The following NUP88 variants were observed in gnomAD, a reference collection of about 807,000 sequenced individuals.
The protein encoded by NUP88 is nuclear pore complex protein Nup88.
A neutral mutation model predicts 93.9 loss-of-function variants in NUP88; 57 were observed. The observed-to-expected ratio is 0.61, with a 90% CI of 0.49 to 0.76. NUP88 has a LOEUF of 0.76. Among genes scored for constraint, NUP88 ranks in the 30% least tolerant of loss-of-function variants. NUP88 has a pLI of 0.00. For synonymous variants in NUP88, 346 were observed against 336.8 expected, an observed-to-expected ratio of 1.03 and a Z score of -0.30; for missense variants, 911 against 901.0, an observed-to-expected ratio of 1.01 and a Z score of -0.14.
intron 7 of NUP88, among the ~76,000 whole-genome samples, chr17:5,400,493 C>CAAAAA (rs1187634728): frequency 2.2e-5 from 1 of 44,722 alleles, no homozygotes. Flanking sequence ...AACTCCGTCT[C>CAAAAA]AAAAAAAAAA....
At chr17:5,402,327 A>G (rs990027883) in intron 7 of NUP88, among the ~76,000 whole-genome samples, 1 of 152,140 alleles carries the variant, frequency 6.6e-6, no homozygotes, top group African/African-American at 2.4e-5. Context: ...AACAAAAAAC[A>G]AAATACAAAA....
intron 10 of NUP88, among the ~76,000 whole-genome samples, chr17:5,389,917 G>A (rs1051692361): frequency 2.0e-5 from 3 of 151,940 alleles, no homozygotes; most frequent in Non-Finnish European, 4.4e-5. Flanking sequence ...TGTAATCCCA[G>A]CACTTTGGGA....
intron 9 of NUP88, among the ~76,000 whole-genome samples, chr17:5,393,695 C>T (rs1912592868): frequency 6.6e-6 from 1 of 152,148 alleles, no homozygotes; most frequent in Non-Finnish European, 1.5e-5. Context: ...CTCGATCTCC[C>T]AAAATGCTGG....
rs150552259 is a variant in NUP88, at chr17:5,401,121, C to T, written c.1193-1471G>A. Among the ~76,000 whole-genome samples, 302 of 152,078 alleles carry T rather than the reference C, an allele frequency of 2.0e-3. 2 individuals carry two copies. Among genetic ancestry groups the T allele is most frequent in the African/African-American group, 6.9e-3 (288 of 41,498 alleles). ...CTTATTGGCCGGGTGTGGTGGCTCA[C>T]GCCTGTAATCCCAGCCCTTTGGGAG... On this transcript the variant is annotated intron_variant, in intron 7 of 16. Coordinates refer to ENST00000573584, the MANE Select transcript of NUP88 (RefSeq NM_002532.6).
At position 5,384,869 on chromosome 17, in the gene NUP88, A is replaced by G. The variant is rs189725850; in HGVS notation, c.*1337T>C. Reference sequence around the variant, plus strand: ...GGGATTTTATTAATTATAAAATGCAATCAATTTAAATTACGTAGGTTTAAG... The same window carrying G: ...GGGATTTTATTAATTATAAAATGCAGTCAATTTAAATTACGTAGGTTTAAG... On this transcript the variant is annotated 3_prime_UTR_variant, in exon 17 of 17. Coordinates refer to ENST00000573584, the MANE Select transcript of NUP88 (RefSeq NM_002532.6). 5.9e-5 allele frequency: 13 copies of G among 220,016 alleles called. No homozygotes were observed. The East Asian group carries it at 8.9e-4, about 15-fold the overall frequency. The allele number at this position is 220,016 out of a possible 1,614,324, so 13.6% of individuals were successfully genotyped here.
chr17:5,410,924 G>T, intron 3 of NUP88, 135 bp from the exon 4 acceptor site: 1 of 647,486 alleles, frequency 1.5e-6, no homozygotes, highest in Non-Finnish European at 2.7e-6. Flanking sequence ...CAAAAATCTT[G>T]CTGTTGCAAA....
At position 5,386,529 on chromosome 17, in the gene NUP88, C is replaced by CT. The variant is rs1262012378; in HGVS notation, c.2162+178dup. Among the ~76,000 whole-genome samples the CT allele has an allele frequency of 1.2e-4, 15 of 126,360 alleles. No homozygotes were observed. The East Asian group carries it at 5.4e-3, about 46-fold the overall frequency. 82.9% of individuals were successfully genotyped at this position (126,360 alleles called of 152,430 possible). A position where few individuals can be genotyped will look rare whatever the true frequency, so the allele number is the denominator to read the frequency against. ...AAATCATGTTACTAGAAGGTCATCC[C>CT]TTTCAATCCTCCCACCATAGTCATT... On this transcript the variant is annotated intron_variant, in intron 16 of 16. Coordinates refer to ENST00000573584, the MANE Select transcript of NUP88 (RefSeq NM_002532.6).
Position 5,419,454 on chromosome 17 carries a change from C to T in NUP88, c.197G>A (p.Gly66Glu), listed in dbSNP as rs192184123. Residue 66 changes from glycine (G) to glutamate (E), a missense_variant, in exon 1 of 17, where the codon GGA becomes GAA. Physicochemically the swap from Gly to Glu is moderately conservative, Grantham distance 98. Coordinates refer to ENST00000573584, the MANE Select transcript of NUP88 (RefSeq NM_002532.6). ...TTCTCCGTCCCACAGGAAAAGCTCT[C>T]CGCCGAGGCCAAAGACCACGTTTCT... ...LTRNVVFGLG[G>E]ELFLWDGEDS... The T allele has an allele frequency of 2.9e-5, 46 of 1,614,032 alleles. No individual in the cohort carries two copies. The East Asian group carries it at 7.4e-4, about 26-fold the overall frequency.
intron 9 of NUP88, among the ~76,000 whole-genome samples, chr17:5,394,661 G>A (rs1912655255): frequency 6.6e-6 from 1 of 152,056 alleles, no homozygotes. Flanking sequence ...GCTGGGGCTG[G>A]GGCTGGGGCT....
chr17:5,413,986 CAA>C lies in NUP88; in HGVS notation c.593+21_593+22del, dbSNP rs370035353. 3.2e-5 allele frequency: 51 copies of C among 1,611,056 alleles called. No individual in the cohort carries two copies. The African/African-American group carries it at 4.4e-4, about 14-fold the overall frequency. On this transcript the variant is annotated intron_variant, in intron 3 of 16. Transcript: ENST00000573584. ...CAGAGCTTTCCCACTCGCAAGGCTTCAAGAGAGAGAAATAAAATTTACCTGAT... is the reference window on the plus strand; with the variant it reads ...CAGAGCTTTCCCACTCGCAAGGCTTCGAGAGAGAAATAAAATTTACCTGAT...
At chr17:5,407,457 T>C (rs1913565018) in intron 5 of NUP88, among the ~76,000 whole-genome samples, 1 of 152,232 alleles carries the variant, frequency 6.6e-6, no homozygotes, top group Non-Finnish European at 1.5e-5. Context: ...TTCCATCTTC[T>C]GCCAGAGTGG....
chr17:5,396,107 A>T (rs908817530), intron 8 of NUP88, among the ~76,000 whole-genome samples: 1 of 151,972 alleles, frequency 6.6e-6, no homozygotes, highest in African/African-American at 2.4e-5. Flanking sequence ...GCTACTCGAG[A>T]GGCTGAGGCA....
rs745584195 is a variant in NUP88 at position 5,391,594 on chromosome 17, G to T, written c.1451C>A (p.Thr484Asn). ...DILGPTMICI[T>N]STYECLIWPL... ...CCATATGAGGCATTCATAGGTACTG[G>T]TGATGCAGATCATCGTGGGTCCCAG... The change falls in exon 10 of 17, where the codon ACC becomes AAC. Residue 484 changes from threonine (T) to asparagine (N), a missense_variant. Coordinates refer to ENST00000573584, the MANE Select transcript of NUP88 (RefSeq NM_002532.6). The T allele has an allele frequency of 1.2e-6, 2 of 1,614,068 alleles. No individual in the cohort carries two copies. The highest frequency in any genetic ancestry group is 1.7e-6 in the Non-Finnish European group (2 of 1,179,894).
intron 2 of NUP88, among the ~76,000 whole-genome samples, chr17:5,415,420 C>G (rs1914079603): frequency 6.6e-6 from 1 of 152,160 alleles, no homozygotes; most frequent in Non-Finnish European, 1.5e-5. Flanking sequence ...GATATAGTAT[C>G]TCATTTGATC....
At chr17:5,406,952 G>A (rs1913533655) in intron 5 of NUP88, among the ~76,000 whole-genome samples, 1 of 152,240 alleles carries the variant, frequency 6.6e-6, no homozygotes, top group South Asian at 2.1e-4. Context: ...CTGATGAAAT[G>A]TAAGGATGAA....
At chr17:5,405,291 G>A (rs766611576) in intron 5 of NUP88, 48 bp from the exon 6 acceptor site, 5 of 1,484,526 alleles carry the variant, frequency 3.4e-6, no homozygotes, top group Non-Finnish European at 4.6e-6. Context: ...CAGTATGCAT[G>A]CTCATCCCAT....
chr17:5,394,149 G>A (rs1238940827), intron 9 of NUP88, among the ~76,000 whole-genome samples: 1 of 152,180 alleles, frequency 6.6e-6, no homozygotes, highest in Non-Finnish European at 1.5e-5. Flanking sequence ...GTCTGGGCTA[G>A]GGCGATATGG....
intron 2 of NUP88, among the ~76,000 whole-genome samples, chr17:5,414,365 T>C (rs981985721): frequency 1.3e-5 from 2 of 151,966 alleles, no homozygotes; most frequent in East Asian, 1.9e-4. Flanking sequence ...CCAGCGAACT[T>C]TGTATTTTCA....
In NUP88 at chr17:5,416,559, C is replaced by T. The variant is rs756174121; in HGVS notation, c.421G>A (p.Gly141Arg). Residue 141 changes from glycine to arginine, a missense_variant, in exon 2 of 17, where the codon GGG becomes AGG. Transcript: ENST00000573584. ...LMVLELPKRW[G>R]KNSEFEGGKS... ...CCACCTTCAAATTCAGAATTCTTCCCCCATCTTTTAGGTAATTCTAATACC... is the reference window on the plus strand; with the variant it reads ...CCACCTTCAAATTCAGAATTCTTCCTCCATCTTTTAGGTAATTCTAATACC... 1.2e-6 allele frequency: 2 copies of T among 1,611,670 alleles called. No homozygotes were observed. The highest frequency in any genetic ancestry group is 1.1e-5 in the South Asian group (1 of 90,240).
Sources: allele counts gnomAD v4.1 joint callset (sites outside exome capture counted in the v4.1 genomes callset), GRCh38; gene constraint gnomAD v4.1.1; transcripts MANE v1.5; gene names NCBI Gene and HGNC (gene_info 2026-07-23, HGNC 2026-07-21).